CHSY1: variants seen among roughly 807,000 people sequenced by gnomAD.
CHSY1 encodes N-acetylgalactosaminyl-proteoglycan 3-beta-glucuronosyltransferase 1.
A neutral mutation model predicts 59.8 loss-of-function variants in CHSY1; 13 were observed. The ratio of observed to expected loss-of-function variants is 0.22; its 90% CI spans 0.14 to 0.35. CHSY1 has a LOEUF of 0.35. Ranked by LOEUF, CHSY1 falls within the 10% of genes least tolerant of loss-of-function variation. The pLI, the probability that CHSY1 is intolerant of heterozygous loss-of-function variation, is 1.00. For synonymous variants in CHSY1, 459 were observed against 401.2 expected, an observed-to-expected ratio of 1.14 and a Z score of -1.72; for missense variants, 947 against 1,030.6, an observed-to-expected ratio of 0.92 and a Z score of 1.11.
At position 101,177,410 on chromosome 15, in the gene CHSY1, T is replaced by C. The variant is rs370864906; in HGVS notation, c.2387A>G (p.Asn796Ser). The C allele has an allele frequency of 6.2e-7, 1 of 1,612,986 alleles. No individual in the cohort carries two copies. Among genetic ancestry groups the C allele is most frequent in the African/African-American group, 1.3e-5 (1 of 74,868 alleles). Residue 796 changes from asparagine to serine, a missense_variant, in exon 3 of 3, where the codon AAT becomes AGT. Coordinates refer to ENST00000254190, the MANE Select transcript of CHSY1 (RefSeq NM_014918.5). ...DPSYSKSSNN[N>S]GSVRTA Reference sequence around the variant, plus strand: ...ACATTAGGCTGTCCTCACTGAGCCATTATTATTGCTGCTTTTACTGTAACT... The same window carrying C: ...ACATTAGGCTGTCCTCACTGAGCCACTATTATTGCTGCTTTTACTGTAACT...
intron 1 of CHSY1, 139 bp downstream of exon 1, chr15:101,250,998 C>A: frequency 1.3e-6 from 1 of 799,536 alleles, no homozygotes; most frequent in Non-Finnish European, 2.0e-6. Flanking sequence ...CCCGGCGTCT[C>A]CCGAGAGGCA....
chr15:101,222,471 G>A (rs542761367), intron 2 of CHSY1, among the ~76,000 whole-genome samples: 1 of 152,272 alleles, frequency 6.6e-6, no homozygotes, highest in African/African-American at 2.4e-5. Flanking sequence ...CTAAGAAACT[G>A]ATACATGTAT....
chr15:101,212,896 G>A (rs2038696222), intron 2 of CHSY1, among the ~76,000 whole-genome samples: 1 of 152,136 alleles, frequency 6.6e-6, no homozygotes, highest in African/African-American at 2.4e-5. Flanking sequence ...ATGTAATAAA[G>A]CAAGTATAAT....
At chr15:101,208,060 T>C (rs1243516886) in intron 2 of CHSY1, among the ~76,000 whole-genome samples, 3 of 152,228 alleles carry the variant, frequency 2.0e-5, no homozygotes, top group African/African-American at 7.2e-5. Flanking sequence ...CTGAGGCCAA[T>C]GAGCAGCTAG....
intron 1 of CHSY1, among the ~76,000 whole-genome samples, chr15:101,249,249 T>TA (rs2039082841): frequency 1.3e-5 from 2 of 152,086 alleles, no homozygotes; most frequent in African/African-American, 4.8e-5. Context: ...CTAACTGGTT[T>TA]GTTAACTGTC....
At chr15:101,200,831 C>T (rs11630832) in intron 2 of CHSY1, among the ~76,000 whole-genome samples, 103,206 of 151,938 alleles carry the variant, frequency 0.68, 36,267 homozygotes, top group East Asian at 0.87. Flanking sequence ...AATAATTCGA[C>T]CCACCCCAAC....
chr15:101,224,337 G>A (rs2038818315), intron 2 of CHSY1, among the ~76,000 whole-genome samples: 1 of 152,132 alleles, frequency 6.6e-6, no homozygotes, highest in Admixed American at 6.5e-5. Context: ...ATATGACTGG[G>A]GGCATTTGTG....
intron 1 of CHSY1, among the ~76,000 whole-genome samples, chr15:101,241,515 TAAC>T (rs1398298163): frequency 6.6e-6 from 1 of 152,222 alleles, no homozygotes; most frequent in Non-Finnish European, 1.5e-5. Context: ...TCAAAACATG[TAAC>T]AACAGAGAAT....
chr15:101,207,553 A>G (rs2038639146), intron 2 of CHSY1, among the ~76,000 whole-genome samples: 1 of 152,174 alleles, frequency 6.6e-6, no homozygotes, highest in South Asian at 2.1e-4. Context: ...CAAGTGCCTC[A>G]TATGTTAACC....
chr15:101,239,944 G>T (rs777285151), intron 1 of CHSY1, among the ~76,000 whole-genome samples: 5 of 152,168 alleles, frequency 3.3e-5, no homozygotes, highest in African/African-American at 1.2e-4. Flanking sequence ...CAGCACAGAC[G>T]CAATTAATGT....
chr15:101,243,551 T>C (rs2039023227), intron 1 of CHSY1, among the ~76,000 whole-genome samples: 1 of 152,152 alleles, frequency 6.6e-6, no homozygotes, highest in Non-Finnish European at 1.5e-5. Context: ...ACACTGGCTT[T>C]CCATCCCACA....
intron 2 of CHSY1, among the ~76,000 whole-genome samples, chr15:101,229,200 A>G (rs552037027): frequency 9.2e-5 from 14 of 152,262 alleles, no homozygotes; most frequent in Non-Finnish European, 2.1e-4. Context: ...AATGGCAGAG[A>G]TAAGTCCTCC....
At chr15:101,229,679 G>A (rs1383129398) in intron 2 of CHSY1, among the ~76,000 whole-genome samples, 3 of 152,292 alleles carry the variant, frequency 2.0e-5, no homozygotes, top group African/African-American at 7.2e-5. Context: ...GGCTGAAGCA[G>A]GCAGATCACT....
chr15:101,216,471 C>T (rs917234405), intron 2 of CHSY1, among the ~76,000 whole-genome samples: 1 of 152,192 alleles, frequency 6.6e-6, no homozygotes, highest in Non-Finnish European at 1.5e-5. Flanking sequence ...TATTCCTAAT[C>T]GCCGAAAACC....
At chr15:101,244,570 G>A (rs1286287710) in intron 1 of CHSY1, among the ~76,000 whole-genome samples, 4 of 152,224 alleles carry the variant, frequency 2.6e-5, no homozygotes, top group African/African-American at 9.6e-5. Flanking sequence ...AGAAAAACCA[G>A]AATATATAGA....
At chr15:101,189,945 C>T (rs2038423685) in intron 2 of CHSY1, among the ~76,000 whole-genome samples, 1 of 152,224 alleles carries the variant, frequency 6.6e-6, no homozygotes, top group Non-Finnish European at 1.5e-5. Context: ...AGCAACTGCT[C>T]TAGAAGCCCT....
At chr15:101,220,753 A>G (rs1373580172) in intron 2 of CHSY1, among the ~76,000 whole-genome samples, 1 of 152,106 alleles carries the variant, frequency 6.6e-6, no homozygotes, top group Non-Finnish European at 1.5e-5. Flanking sequence ...TGCCCCTCTC[A>G]CTCACGTGCT....
chr15:101,191,477 A>G (rs748512370), intron 2 of CHSY1, among the ~76,000 whole-genome samples: 2 of 152,246 alleles, frequency 1.3e-5, no homozygotes. Flanking sequence ...ACTGTTCTGT[A>G]TGATACATAT....
chr15:101,181,758 C>T (rs995923119), intron 2 of CHSY1, among the ~76,000 whole-genome samples: 2 of 152,170 alleles, frequency 1.3e-5, no homozygotes, highest in African/African-American at 4.8e-5. Context: ...CTCCTCTCTT[C>T]CCAAATACAG....
Sources: gnomAD v4.1 joint callset for allele counts (sites outside exome capture counted in the v4.1 genomes callset) on GRCh38, gnomAD v4.1.1 for gene constraint, MANE v1.5 for transcripts, NCBI Gene and HGNC (gene_info 2026-07-23, HGNC 2026-07-21) for gene names.